The following FNBP1 variants were observed in gnomAD, a reference collection of about 807,000 sequenced individuals.
The protein encoded by FNBP1 is formin binding protein 1.
FNBP1 carries 26 observed loss-of-function variants against 90.6 expected under a neutral mutation model. That is an observed-to-expected ratio of 0.29 (90% CI 0.21 to 0.40). The LOEUF is 0.40. Ranked by LOEUF, FNBP1 falls within the 10% of genes least tolerant of loss-of-function variation. The pLI is 1.00. For synonymous variants in FNBP1, 260 were observed against 265.2 expected, an observed-to-expected ratio of 0.98 and a Z score of 0.19; for missense variants, 635 against 768.0, an observed-to-expected ratio of 0.83 and a Z score of 2.05.
At chr9:129,977,019 T>A (rs944333824) in intron 4 of FNBP1, among the ~76,000 whole-genome samples, 2 of 151,742 alleles carry the variant, frequency 1.3e-5, no homozygotes, top group African/African-American at 4.8e-5. Context: ...ATACAAAAAA[T>A]TAGCTGGGCA....
At chr9:130,039,672 G>T (rs1472993201) in intron 1 of FNBP1, among the ~76,000 whole-genome samples, 1 of 60,396 alleles carries the variant, frequency 1.7e-5, no homozygotes, top group African/African-American at 6.6e-5. Flanking sequence ...GCGAAGCTTT[G>T]TCTCAAAAAA....
Position 129,929,592 on chromosome 9 carries a change from T to C in FNBP1, c.617A>G (p.His206Arg), listed in dbSNP as rs897195823. 11 of 1,613,762 alleles carry C rather than the reference T, an allele frequency of 6.8e-6. No individual in the cohort carries two copies. The highest frequency in any genetic ancestry group is 2.2e-5 in the East Asian group (1 of 44,882). ...CTGGAAGATGTTGGGGATGTGAGTATGGTAATATTCATGCTGCTCATGGTT... is the reference window on the plus strand; with the variant it reads ...CTGGAAGATGTTGGGGATGTGAGTACGGTAATATTCATGCTGCTCATGGTT... ...KFNHEQHEYY[H>R]THIPNIFQKI... Residue 206 changes from histidine (H) to arginine (R), a missense_variant, in exon 7 of 17, where the codon CAT (histidine) becomes CGT (arginine). His to Arg is a conservative substitution (Grantham distance 29). Coordinates refer to ENST00000446176, the MANE Select transcript of FNBP1 (RefSeq NM_015033.3).
At chr9:129,968,995 G>A (rs535027513) in intron 4 of FNBP1, among the ~76,000 whole-genome samples, 221 of 152,262 alleles carry the variant, frequency 1.5e-3, no homozygotes, top group African/African-American at 3.2e-3. Flanking sequence ...AGTGGTAATC[G>A]CTGTGGAAAA....
At chr9:129,913,568 C>T (rs1257436249) in intron 11 of FNBP1, among the ~76,000 whole-genome samples, 2 of 151,942 alleles carry the variant, frequency 1.3e-5, no homozygotes, top group Non-Finnish European at 2.9e-5. Context: ...GTCAGGAGCT[C>T]GAGATTAGCC....
chr9:129,914,759 A>G (rs375779764), intron 11 of FNBP1, among the ~76,000 whole-genome samples: 3,425 of 59,918 alleles, frequency 0.057, 311 homozygotes, highest in African/African-American at 0.2. Context: ...ACATATGTCT[A>G]TATATATATA....
intron 2 of FNBP1, among the ~76,000 whole-genome samples, chr9:129,987,881 C>A (rs1209787618): frequency 6.6e-6 from 1 of 151,910 alleles, no homozygotes; most frequent in African/African-American, 2.4e-5. Context: ...AAATTCATTT[C>A]TTTATATATA....
At chr9:130,023,410 C>T (rs532420263) in intron 1 of FNBP1, among the ~76,000 whole-genome samples, 53 of 152,220 alleles carry the variant, frequency 3.5e-4, no homozygotes, top group Non-Finnish European at 6.6e-4. Context: ...GCCAGGAGGT[C>T]GGGATTGCAC....
chr9:130,049,686 G>GT, the FNBP1 span, among the ~76,000 whole-genome samples: 4 of 150,736 alleles, frequency 2.7e-5, no homozygotes, highest in South Asian at 8.4e-4. Context: ...GGGAAACAAA[G>GT]TAAGACTCTG....
At chr9:130,025,047 G>C (rs1421433602) in intron 1 of FNBP1, among the ~76,000 whole-genome samples, 2 of 152,010 alleles carry the variant, frequency 1.3e-5, no homozygotes, top group African/African-American at 2.4e-5. Flanking sequence ...GGGCGTGGTG[G>C]TGCACACCTG....
intron 6 of FNBP1, among the ~76,000 whole-genome samples, chr9:129,933,992 T>G (rs1486292498): frequency 6.6e-6 from 1 of 152,056 alleles, no homozygotes; most frequent in African/African-American, 2.4e-5. Context: ...AATTTAAGAG[T>G]CGCTAAAACT....
intron 4 of FNBP1, among the ~76,000 whole-genome samples, chr9:129,973,942 C>A (rs1010319365): frequency 2.0e-5 from 3 of 151,956 alleles, no homozygotes; most frequent in African/African-American, 4.8e-5. Context: ...TCCTGAGTAG[C>A]TGGGATTACA....
chr9:130,053,014 G>A, the FNBP1 span, among the ~76,000 whole-genome samples: 1 of 152,050 alleles, frequency 6.6e-6, no homozygotes, highest in Non-Finnish European at 1.5e-5. Flanking sequence ...TACTCCAGAG[G>A]CTGAGGCAGG....
chr9:130,026,662 A>C (rs1436208986), intron 1 of FNBP1, among the ~76,000 whole-genome samples: 8 of 151,980 alleles, frequency 5.3e-5, no homozygotes. Context: ...AAAGCTATAG[A>C]AAGTTGTGGG....
intron 2 of FNBP1, among the ~76,000 whole-genome samples, chr9:129,985,499 A>G (rs1489821793): frequency 6.6e-6 from 1 of 152,202 alleles, no homozygotes; most frequent in Admixed American, 6.5e-5. Context: ...GTCTGAACTC[A>G]ACCACTTCAC....
chr9:130,002,028 CAAAA>C (rs56320987), intron 1 of FNBP1, among the ~76,000 whole-genome samples: 13 of 83,126 alleles, frequency 1.6e-4, no homozygotes, highest in Admixed American at 2.6e-4. Flanking sequence ...ACTTCTGCCT[CAAAA>C]AAAAAAAAAA....
At chr9:129,914,411 T>C (rs1384787892) in intron 11 of FNBP1, among the ~76,000 whole-genome samples, 1 of 151,908 alleles carries the variant, frequency 6.6e-6, no homozygotes, top group African/African-American at 2.4e-5. Flanking sequence ...GTAAAATAAT[T>C]TGTATTTCAA....
At chr9:130,037,106 C>T (rs979522787) in intron 1 of FNBP1, among the ~76,000 whole-genome samples, 13 of 151,610 alleles carry the variant, frequency 8.6e-5, no homozygotes, top group African/African-American at 3.2e-4. Flanking sequence ...CCTGTAATCC[C>T]AGCACTTTGG....
At chr9:129,981,997 A>G (rs1178315321) in intron 2 of FNBP1, among the ~76,000 whole-genome samples, 1 of 152,264 alleles carries the variant, frequency 6.6e-6, no homozygotes, top group Non-Finnish European at 1.5e-5. Flanking sequence ...CTGAGGATAC[A>G]TAGCAGAGTT....
At chr9:130,000,249 G>A (rs1266674004) in intron 1 of FNBP1, among the ~76,000 whole-genome samples, 1 of 152,172 alleles carries the variant, frequency 6.6e-6, no homozygotes, top group South Asian at 2.1e-4. Context: ...CCAGCACTTC[G>A]GGAGGCAGAA....
Sources: gnomAD v4.1 joint callset for allele counts (sites outside exome capture counted in the v4.1 genomes callset) on GRCh38, gnomAD v4.1.1 for gene constraint, MANE v1.5 for transcripts, NCBI Gene and HGNC (gene_info 2026-07-23, HGNC 2026-07-21) for gene names.